Variants in HTR3B observed in about 807,000 individuals in gnomAD.
HTR3B encodes the protein 5-hydroxytryptamine receptor 3B.
A neutral mutation model predicts 42.8 loss-of-function variants in HTR3B; 44 were observed. The ratio of observed to expected loss-of-function variants is 1.03; its 90% CI spans 0.81 to 1.32. The LOEUF is 1.32. Among genes scored for constraint, HTR3B ranks in the 40% most tolerant of loss-of-function variants. The pLI is 0.00. For synonymous variants in HTR3B, 203 were observed against 209.0 expected (o/e 0.97, Z 0.25); for missense variants, 527 against 536.5 (o/e 0.98, Z 0.17).
intron 6 of HTR3B, 61 bp from the exon 7 acceptor site, chr11:113,942,921 G>T: frequency 6.9e-7 from 1 of 1,453,128 alleles, no homozygotes; most frequent in Non-Finnish European, 9.6e-7. Context: ...CTATGAATTT[G>T]GCCAAATCTG....
chr11:113,935,290 G>C (rs568606689), intron 6 of HTR3B, among the ~76,000 whole-genome samples: 120 of 152,144 alleles, frequency 7.9e-4, no homozygotes, highest in African/African-American at 2.6e-3. Context: ...CCCCGGGTAC[G>C]TTTTGAAGTG....
At chr11:113,936,973 T>G (rs1179938117) in intron 6 of HTR3B, among the ~76,000 whole-genome samples, 1 of 152,186 alleles carries the variant, frequency 6.6e-6, no homozygotes, top group African/African-American at 2.4e-5. Context: ...CCAAATACCT[T>G]TGTGTACTTA....
intron 2 of HTR3B, among the ~76,000 whole-genome samples, chr11:113,922,688 T>C (rs1243812233): frequency 2.0e-5 from 3 of 151,974 alleles, no homozygotes; most frequent in Admixed American, 1.3e-4. Context: ...CCTGAGTAGC[T>C]GGGACTACAG....
chr11:113,927,238 T>C (rs938514874), intron 2 of HTR3B, among the ~76,000 whole-genome samples: 6 of 152,214 alleles, frequency 3.9e-5, no homozygotes, highest in African/African-American at 1.4e-4. Flanking sequence ...TCCTTTCATC[T>C]TGCAAAACTG....
At chr11:113,926,026 A>G (rs1238247221) in intron 2 of HTR3B, among the ~76,000 whole-genome samples, 1 of 152,114 alleles carries the variant, frequency 6.6e-6, no homozygotes, top group East Asian at 1.9e-4. Context: ...CACACCTCAC[A>G]TTCCACCCCC....
At chr11:113,932,633 C>T (rs1226523073) in intron 5 of HTR3B, among the ~76,000 whole-genome samples, 175 bp downstream of exon 5, 1 of 110,032 alleles carries the variant, frequency 9.1e-6, no homozygotes, top group African/African-American at 4.3e-5. Flanking sequence ...ATGCTGTAGG[C>T]CCCCATAGTT....
chr11:113,945,653 C>T (rs1359586934), intron 8 of HTR3B, among the ~76,000 whole-genome samples: 1 of 152,222 alleles, frequency 6.6e-6, no homozygotes, highest in Non-Finnish European at 1.5e-5. Flanking sequence ...CTCAGAAACT[C>T]TCCTGGACGG....
At chr11:113,926,548 A>T (rs1377949394) in intron 2 of HTR3B, among the ~76,000 whole-genome samples, 1 of 81,818 alleles carries the variant, frequency 1.2e-5, no homozygotes, top group Non-Finnish European at 2.3e-5. Context: ...TTTCTTTTTC[A>T]GACAGAGTCT....
chr11:113,926,680 GC>G (rs1949979304), intron 2 of HTR3B, among the ~76,000 whole-genome samples: 2 of 151,658 alleles, frequency 1.3e-5, no homozygotes, highest in East Asian at 3.9e-4. Context: ...GGTGTGCGCC[GC>G]CACACCCAAC....
At chr11:113,913,199 C>T (rs1393346099) in intron 2 of HTR3B, among the ~76,000 whole-genome samples, 1 of 150,600 alleles carries the variant, frequency 6.6e-6, no homozygotes, top group Non-Finnish European at 1.5e-5. Context: ...TTCTTTCTTT[C>T]TTTGTTTTTT....
intron 6 of HTR3B, among the ~76,000 whole-genome samples, chr11:113,933,533 T>C (rs571366299): frequency 6.6e-6 from 1 of 152,168 alleles, no homozygotes; most frequent in Non-Finnish European, 1.5e-5. Flanking sequence ...TGCAGATGCA[T>C]AATACGATAA....
Position 113,947,503 on chromosome 11 carries a change from A to G in HTR3B, c.*1366A>G, listed in dbSNP as rs552692901. Reference sequence around the variant, plus strand: ...CCAGTCTGGAAGCTAGAAGCCTAAGATCAAGGTGCAAACAGGGTGGGTGGC... The same window carrying G: ...CCAGTCTGGAAGCTAGAAGCCTAAGGTCAAGGTGCAAACAGGGTGGGTGGC... On this transcript the variant is annotated 3_prime_UTR_variant, in exon 9 of 9. Coordinates refer to ENST00000260191, the MANE Select transcript of HTR3B (RefSeq NM_006028.5). Among the ~76,000 whole-genome samples, 14 of 152,296 alleles carry G rather than the reference A, an allele frequency of 9.2e-5. 1 individual carries two copies. The South Asian group carries it at 2.7e-3, about 29-fold the overall frequency.
intron 1 of HTR3B, among the ~76,000 whole-genome samples, chr11:113,907,438 T>C (rs1208919948): frequency 6.6e-6 from 1 of 152,244 alleles, no homozygotes; most frequent in Non-Finnish European, 1.5e-5. Context: ...TTTGCATTCA[T>C]AGTAGAAATG....
Position 113,932,922 on chromosome 11 carries a change from T to A in HTR3B, c.539-14T>A, listed in dbSNP as rs1363407609. 4.3e-6 allele frequency: 7 copies of A among 1,611,754 alleles called. No individual in the cohort carries two copies. Among genetic ancestry groups the A allele is most frequent in the Admixed American group, 1.7e-5 (1 of 59,436 alleles). The stretch of plus-strand genomic sequence containing the variant: ...TTTCTCTCTGGGAAAGTCAATTGTT[T>A]GTGTTGTTTGCAGTGGAAGACGTAG... On this transcript the variant is annotated splice_polypyrimidine_tract_variant and intron_variant, in intron 5 of 8. Transcript: ENST00000260191.
rs934217650 is a variant in HTR3B at position 113,947,642 on chromosome 11, G to C, written c.*1505G>C. ...TGTCCAGATTTTCTCTTCTAACAAG[G>C]GCACCAGTGTTGTTGGTTTAGGGTC... On this transcript the variant is annotated 3_prime_UTR_variant, in exon 9 of 9. Transcript: ENST00000260191. Among the ~76,000 whole-genome samples, 1 of 152,024 alleles carries C rather than the reference G, an allele frequency of 6.6e-6. No individual in the cohort carries two copies. The highest frequency in any genetic ancestry group is 1.5e-5 in the Non-Finnish European group (1 of 68,016).
intron 2 of HTR3B, among the ~76,000 whole-genome samples, chr11:113,912,388 CG>C (rs1949804382): frequency 6.6e-6 from 1 of 152,152 alleles, no homozygotes; most frequent in South Asian, 2.1e-4. Context: ...GGACTACAGG[CG>C]TGTGCCACGA....
At position 113,948,863 on chromosome 11, in the gene HTR3B, C is replaced by CA. The variant is rs58588681; in HGVS notation, c.*2740dup. On this transcript the variant is annotated 3_prime_UTR_variant, in exon 9 of 9. Transcript: ENST00000260191. ...GGGCAACAAGAGCTAAACTCTATCT[C>CA]AAAAAAAAAAAAAAGTTTAAAGTGC... Among the ~76,000 whole-genome samples, 91,303 of 144,978 alleles carry CA rather than the reference C, an allele frequency of 0.63. 28,903 individuals carry two copies. Among genetic ancestry groups the CA allele is most frequent in the Non-Finnish European group, 0.7 (46,347 of 66,404 alleles).
At chr11:113,933,837 A>G (rs1950063211) in intron 6 of HTR3B, among the ~76,000 whole-genome samples, 1 of 152,198 alleles carries the variant, frequency 6.6e-6, no homozygotes, top group African/African-American at 2.4e-5. Context: ...ATTTCACACA[A>G]CTGGTAAACT....
chr11:113,943,265 G>GA, intron 7 of HTR3B, 73 bp downstream of exon 7: 2 of 1,278,694 alleles, frequency 1.6e-6, no homozygotes, highest in Non-Finnish European at 2.2e-6. Context: ...GGCCAGGCAT[G>GA]GTGGCTCATG....
Sources: allele counts gnomAD v4.1 joint callset (sites outside exome capture counted in the v4.1 genomes callset), GRCh38; gene constraint gnomAD v4.1.1; transcripts MANE v1.5; gene names NCBI Gene and HGNC (gene_info 2026-07-23, HGNC 2026-07-21).